SAMMSON: variants seen among roughly 807,000 people sequenced by gnomAD.
SAMMSON encodes the protein long intergenic non-protein coding RNA 1212.
At position 70,426,939 on chromosome 3, in the gene SAMMSON, G is replaced by A. The variant is rs142526411; in HGVS notation, n.234-35621G>A. Among the ~76,000 whole-genome samples, 380 of 152,286 alleles carry A rather than the reference G, an allele frequency of 2.5e-3. 2 individuals are homozygous for A. Among genetic ancestry groups the A allele is most frequent in the African/African-American group, 8.4e-3 (351 of 41,558 alleles). ...TTCACATTTAACATTTCTTAAATAAGCTCTACTTAGGTTGTCCAAGGTAAT... is the reference window on the plus strand; with the variant it reads ...TTCACATTTAACATTTCTTAAATAAACTCTACTTAGGTTGTCCAAGGTAAT... On this transcript the variant is annotated intron_variant and non_coding_transcript_variant, in intron 2 of 3. Transcript: ENST00000641053.
intron 4 of SAMMSON, among the ~76,000 whole-genome samples, chr3:70,174,822 A>G (rs2106701972): frequency 6.6e-6 from 1 of 152,006 alleles, no homozygotes. Flanking sequence ...ATTTCTAATT[A>G]TAGATCATGA....
chr3:70,288,682 G>A (rs1367673999), intron 6 of SAMMSON, among the ~76,000 whole-genome samples: 9 of 151,892 alleles, frequency 5.9e-5, no homozygotes, highest in Non-Finnish European at 1.0e-4. Context: ...CATTATTAAT[G>A]TGTGGAAGTC....
intron 3 of SAMMSON, among the ~76,000 whole-genome samples, chr3:70,029,216 C>T (rs573724633): frequency 2.0e-5 from 3 of 150,280 alleles, no homozygotes; most frequent in Non-Finnish European, 2.9e-5. Flanking sequence ...ACCCGTCCTT[C>T]TTTTCAGCCA....
intron 4 of SAMMSON, among the ~76,000 whole-genome samples, chr3:70,171,510 A>G (rs1302666089): frequency 6.6e-6 from 1 of 151,956 alleles, no homozygotes; most frequent in Admixed American, 6.6e-5. Flanking sequence ...CATTTTCAAA[A>G]TGAGCACTGC....
chr3:70,214,153 A>C (rs1440297597), intron 4 of SAMMSON, among the ~76,000 whole-genome samples: 1 of 152,130 alleles, frequency 6.6e-6, no homozygotes, highest in Admixed American at 6.6e-5. Context: ...GGATAAGACA[A>C]AACCTTGGGT....
At chr3:70,419,017 CCTTCTTTCTTTCTTT>C (rs1701290015) in intron 2 of SAMMSON, among the ~76,000 whole-genome samples, 10 of 128,152 alleles carry the variant, frequency 7.8e-5, no homozygotes, top group Admixed American at 4.4e-4. Flanking sequence ...TTCTTTCTTT[CCTTCTTTCTTTCTTT>C]CTTCTTTCTT....
intron 1 of SAMMSON, among the ~76,000 whole-genome samples, chr3:70,010,253 G>C (rs561614843): frequency 6.6e-6 from 1 of 151,820 alleles, no homozygotes; most frequent in Admixed American, 6.6e-5. Flanking sequence ...AAAGTCTCCC[G>C]TTATTATTGT....
At chr3:70,218,269 A>G (rs977445667) in intron 4 of SAMMSON, among the ~76,000 whole-genome samples, 1 of 152,176 alleles carries the variant, frequency 6.6e-6, no homozygotes, top group African/African-American at 2.4e-5. Context: ...TGCATGTTTT[A>G]TAACGTATAG....
intron 4 of SAMMSON, among the ~76,000 whole-genome samples, chr3:70,232,823 G>T (rs1047917647): frequency 6.6e-6 from 1 of 152,088 alleles, no homozygotes; most frequent in East Asian, 1.9e-4. Context: ...TCTTCCCAGG[G>T]TGATTCTCTC....
chr3:70,422,145 A>G (rs1036156710), intron 2 of SAMMSON, among the ~76,000 whole-genome samples: 9 of 152,058 alleles, frequency 5.9e-5, no homozygotes, highest in African/African-American at 2.2e-4. Context: ...GGCACTTTAC[A>G]TATTTAATAA....
intron 3 of SAMMSON, among the ~76,000 whole-genome samples, chr3:70,022,552 A>T (rs1388034788): frequency 1.3e-5 from 2 of 151,154 alleles, no homozygotes; most frequent in Admixed American, 1.3e-4. Context: ...GGGAACATTT[A>T]TGGAACTAAT....
At chr3:70,023,273 A>C (rs2067023210) in intron 3 of SAMMSON, among the ~76,000 whole-genome samples, 1 of 151,748 alleles carries the variant, frequency 6.6e-6, no homozygotes, top group African/African-American at 2.4e-5. Flanking sequence ...TGGCTAACAA[A>C]GCGAAACCCC....
chr3:70,137,567 T>G (rs902088159), intron 4 of SAMMSON: 1 of 152,192 alleles, frequency 6.6e-6, no homozygotes, highest in East Asian at 1.9e-4. Flanking sequence ...TTGCAAAACC[T>G]AAAATATTTC....
chr3:70,368,403 T>G (rs1293977045), intron 9 of SAMMSON, among the ~76,000 whole-genome samples: 2 of 151,638 alleles, frequency 1.3e-5, no homozygotes, highest in African/African-American at 4.8e-5. Flanking sequence ...TTAGGAAATA[T>G]TCTAAAACAT....
chr3:70,036,502 A>G (rs2067085610), intron 3 of SAMMSON, among the ~76,000 whole-genome samples: 1 of 152,164 alleles, frequency 6.6e-6, no homozygotes, highest in African/African-American at 2.4e-5. Context: ...ATTGTTTAAA[A>G]AAGTGGGCAT....
intron 7 of SAMMSON, among the ~76,000 whole-genome samples, chr3:70,349,309 G>C (rs1046168625): frequency 6.6e-6 from 1 of 152,076 alleles, no homozygotes; most frequent in Non-Finnish European, 1.5e-5. Context: ...AGGAGGCAGA[G>C]GTTGCAGTGA....
At chr3:70,221,041 T>C (rs899612042) in intron 4 of SAMMSON, among the ~76,000 whole-genome samples, 2 of 152,164 alleles carry the variant, frequency 1.3e-5, no homozygotes, top group African/African-American at 4.8e-5. Flanking sequence ...CCATATTATA[T>C]TGCATCTAAA....
intron 2 of SAMMSON, among the ~76,000 whole-genome samples, chr3:70,430,060 T>C (rs573711755): frequency 7.2e-5 from 11 of 152,338 alleles, no homozygotes; most frequent in African/African-American, 2.6e-4. Context: ...TGAAGGGGAA[T>C]GCTTCCAGCT....
chr3:70,083,447 A>AGG (rs2067273936), intron 4 of SAMMSON, among the ~76,000 whole-genome samples: 2 of 152,154 alleles, frequency 1.3e-5, no homozygotes, highest in African/African-American at 4.8e-5. Context: ...CTAGCAACTC[A>AGG]GGGAAGGGTG....
Sources: allele counts gnomAD v4.1 joint callset (sites outside exome capture counted in the v4.1 genomes callset), GRCh38; gene constraint gnomAD v4.1.1; transcripts MANE v1.5; gene names NCBI Gene and HGNC (gene_info 2026-07-23, HGNC 2026-07-21).